Variants in ZFPM2 observed in about 807,000 individuals in gnomAD.
ZFPM2 encodes the protein zinc finger protein, FOG family member 2, also known as zinc finger protein ZFPM2.
In ZFPM2, 20 loss-of-function variants were observed where a neutral mutation model predicts 98.6. The observed-to-expected ratio is 0.20, with a 90% CI of 0.14 to 0.29. ZFPM2 has a LOEUF of 0.29. ZFPM2 is among the 10% of genes least tolerant of loss of function. ZFPM2 has a pLI of 1.00. For missense variants in ZFPM2, 1,310 were observed against 1,388.6 expected (o/e 0.94, Z 0.90); for synonymous variants, 518 against 502.7 (o/e 1.03, Z -0.41).
intron 4 of ZFPM2, among the ~76,000 whole-genome samples, chr8:105,624,871 A>G (rs1816621266): frequency 6.6e-6 from 1 of 152,202 alleles, no homozygotes; most frequent in African/African-American, 2.4e-5. Flanking sequence ...CATAAGGAGT[A>G]TGGACATAAT....
Position 105,803,303 on chromosome 8 carries a change from A to G in ZFPM2, c.3221A>G (p.Lys1074Arg). 1.9e-6 allele frequency: 3 copies of G among 1,595,494 alleles called. No homozygotes were observed. The Middle Eastern group carries it at 5.1e-4, about 269-fold the overall frequency. ...AATCCTCAGCACGAAGACGACCACA[A>G]ATCTCCCTCGTGGATCTCTGAGAAC... ...SQNPQHEDDHKSPSWISENPL... is the reference protein window; with the variant it reads ...SQNPQHEDDHRSPSWISENPL... Residue 1074 changes from lysine (K) to arginine (R), a missense_variant, in exon 8 of 8, where the codon AAA (lysine) becomes AGA (arginine). Transcript: ENST00000407775.
intron 3 of ZFPM2, among the ~76,000 whole-genome samples, chr8:105,524,266 A>G (rs756665299): frequency 2.0e-5 from 3 of 152,134 alleles, no homozygotes; most frequent in Non-Finnish European, 2.9e-5. Context: ...GGTTTTTATG[A>G]CCATAAATTC....
At chr8:105,599,131 AAAATT>A (rs1256318709) in intron 4 of ZFPM2, among the ~76,000 whole-genome samples, 1 of 152,048 alleles carries the variant, frequency 6.6e-6, no homozygotes, top group African/African-American at 2.4e-5. Flanking sequence ...ACCTAAGAAA[AAAATT>A]AAAAGGCCAC....
chr8:105,346,987 G>A (rs1204298443), intron 1 of ZFPM2, among the ~76,000 whole-genome samples: 1 of 152,144 alleles, frequency 6.6e-6, no homozygotes, highest in Non-Finnish European at 1.5e-5. Flanking sequence ...GTAGCCATAG[G>A]TACAATGCAG....
In ZFPM2 at chr8:105,472,922, G is replaced by A. The variant is rs555709498; in HGVS notation, c.301+28541G>A. 5.8e-4 allele frequency among the ~76,000 whole-genome samples: 80 copies of A among 137,214 alleles called. 1 individual carries two copies. Among genetic ancestry groups the A allele is most frequent in the African/African-American group, 2.1e-3 (76 of 36,608 alleles). The allele number at this position is 137,214 out of a possible 152,430, so 90.0% of individuals were successfully genotyped here. A position where few individuals can be genotyped will look rare whatever the true frequency, so the allele number is the denominator to read the frequency against. On this transcript the variant is annotated intron_variant, in intron 3 of 7. Transcript: ENST00000407775. Reference sequence around the variant, plus strand: ...TTTTTTTTTTTTTTAAAGAAACGAGGTCTTACTCTATCCCTCAGGATGGAA... The same window carrying A: ...TTTTTTTTTTTTTTAAAGAAACGAGATCTTACTCTATCCCTCAGGATGGAA...
At chr8:105,716,616 G>A (rs763425758) in intron 5 of ZFPM2, among the ~76,000 whole-genome samples, 7 of 152,036 alleles carry the variant, frequency 4.6e-5, no homozygotes, top group Non-Finnish European at 7.4e-5. Flanking sequence ...GAGACCATGT[G>A]CTCTTATTAT....
At chr8:105,586,784 T>C (rs979670561) in intron 4 of ZFPM2, among the ~76,000 whole-genome samples, 1 of 151,464 alleles carries the variant, frequency 6.6e-6, no homozygotes, top group Admixed American at 6.6e-5. Context: ...TTGACCTTAT[T>C]ATCTAAAGTG....
At chr8:105,560,847 G>T (rs756286133) in intron 3 of ZFPM2, among the ~76,000 whole-genome samples, 3 of 151,954 alleles carry the variant, frequency 2.0e-5, no homozygotes, top group African/African-American at 4.8e-5. Flanking sequence ...TAAAAACTCC[G>T]TCTAAACATT....
At position 105,441,476 on chromosome 8, in the gene ZFPM2, A is replaced by C. The variant is rs568431540; in HGVS notation, c.200-2804A>C. Among the ~76,000 whole-genome samples the C allele has an allele frequency of 1.6e-4, 15 of 91,766 alleles. 1 individual carries two copies. The highest frequency in any genetic ancestry group is 1.0e-3 in the African/African-American group (14 of 13,960). 60.2% of individuals were successfully genotyped at this position (91,766 alleles called of 152,430 possible). A position where few individuals can be genotyped will look rare whatever the true frequency, so the allele number is the denominator to read the frequency against. On this transcript the variant is annotated intron_variant, in intron 2 of 7. Coordinates refer to ENST00000407775, the MANE Select transcript of ZFPM2 (RefSeq NM_012082.4). ...AGAGAAAGAAAGAAAGAAAGAAAGA[A>C]AGAAAGAAAGAAAGAAAGAAAGAAA...
chr8:105,554,849 C>G (rs1317215278), intron 3 of ZFPM2, among the ~76,000 whole-genome samples: 1 of 152,042 alleles, frequency 6.6e-6, no homozygotes, highest in Non-Finnish European at 1.5e-5. Flanking sequence ...TCTGTCTGTT[C>G]CCCTTTGGTG....
At chr8:105,696,132 C>A (rs1811012094) in intron 5 of ZFPM2, among the ~76,000 whole-genome samples, 1 of 152,140 alleles carries the variant, frequency 6.6e-6, no homozygotes, top group Non-Finnish European at 1.5e-5. Context: ...TTTTGAGAGT[C>A]TCTGCTGAAC....
chr8:105,771,995 GC>G (rs1417609853), intron 5 of ZFPM2, among the ~76,000 whole-genome samples: 2 of 150,526 alleles, frequency 1.3e-5, no homozygotes, highest in Non-Finnish European at 2.9e-5. Flanking sequence ...ACAAATACAT[GC>G]TTTAAGTGGT....
intron 3 of ZFPM2, among the ~76,000 whole-genome samples, chr8:105,540,657 C>G (rs77917366): frequency 0.065 from 9,873 of 152,132 alleles, 460 homozygotes; most frequent in Middle Eastern, 0.13. Flanking sequence ...CCACTTAAAA[C>G]AAACTATGTT....
chr8:105,599,082 A>G (rs1312202338), intron 4 of ZFPM2, among the ~76,000 whole-genome samples: 1 of 152,080 alleles, frequency 6.6e-6, no homozygotes, highest in Non-Finnish European at 1.5e-5. Context: ...ACCCGCAAAA[A>G]ATTTAAATTA....
chr8:105,613,038 G>T (rs1330957355), intron 4 of ZFPM2, among the ~76,000 whole-genome samples: 17 of 152,284 alleles, frequency 1.1e-4, no homozygotes, highest in African/African-American at 3.9e-4. Flanking sequence ...CATAGTAGGT[G>T]ATCAGTAAGT....
chr8:105,549,554 C>CCTTCCTTT (rs765475171), intron 3 of ZFPM2, among the ~76,000 whole-genome samples: 1 of 132,846 alleles, frequency 7.5e-6, no homozygotes, highest in East Asian at 2.5e-4. Flanking sequence ...TTCCTTCCTT[C>CCTTCCTTT]CTTCCTTTCT....
intron 5 of ZFPM2, among the ~76,000 whole-genome samples, chr8:105,759,005 G>A (rs189089050): frequency 1.5e-3 from 228 of 152,158 alleles, no homozygotes; most frequent in African/African-American, 3.9e-3. Flanking sequence ...TTGGAGTTTA[G>A]GTAGGTGGAG....
chr8:105,657,330 G>T (rs372142841), intron 5 of ZFPM2, among the ~76,000 whole-genome samples: 2 of 151,960 alleles, frequency 1.3e-5, no homozygotes, highest in Non-Finnish European at 2.9e-5. Flanking sequence ...GTAGAAACGG[G>T]GTTTCACCAT....
intron 3 of ZFPM2, among the ~76,000 whole-genome samples, chr8:105,468,741 A>C: frequency 6.6e-6 from 1 of 152,220 alleles, no homozygotes; most frequent in East Asian, 1.9e-4. Flanking sequence ...GACACTAAGC[A>C]GAATCTCAGG....
Sources: gnomAD v4.1 joint callset for allele counts (sites outside exome capture counted in the v4.1 genomes callset) on GRCh38, gnomAD v4.1.1 for gene constraint, MANE v1.5 for transcripts, NCBI Gene and HGNC (gene_info 2026-07-23, HGNC 2026-07-21) for gene names.